CMSS1: variants seen among roughly 807,000 people sequenced by gnomAD.
CMSS1 encodes the protein protein CMSS1.
CMSS1 carries 33 observed loss-of-function variants against 43.5 expected under a neutral mutation model. That is an observed-to-expected ratio of 0.76 (90% CI 0.57 to 1.01). The LOEUF (loss-of-function observed/expected upper bound fraction) is 1.01. CMSS1 is among the 50% of genes least tolerant of loss of function. CMSS1 has a pLI of 0.00. For missense variants in CMSS1, 313 were observed against 326.4 expected (o/e 0.96, Z 0.32); for synonymous variants, 115 against 117.2 (o/e 0.98, Z 0.12).
In CMSS1 at chr3:100,123,814, C is replaced by A. The variant is rs185759848; in HGVS notation, c.65-23159C>A. Among the ~76,000 whole-genome samples the A allele has an allele frequency of 5.9e-5, 9 of 152,312 alleles. No homozygotes were observed. In the East Asian group the frequency reaches 1.7e-3, roughly 29 times the overall value. On this transcript the variant is annotated intron_variant, in intron 1 of 9. Coordinates refer to ENST00000421999, the MANE Select transcript of CMSS1 (RefSeq NM_032359.4). ...CCGGCCCTAACGCTTTGTACAATGT[C>A]CTAGATCTGCTATCATTTTCACTTT...
intron 1 of CMSS1, among the ~76,000 whole-genome samples, chr3:100,039,100 A>T (rs1365959999): frequency 6.6e-6 from 1 of 152,242 alleles, no homozygotes; most frequent in East Asian, 1.9e-4. Context: ...ATAGGAAATT[A>T]TGCTTTCACC....
chr3:100,042,007 C>T (rs1190468934), intron 1 of CMSS1, among the ~76,000 whole-genome samples: 1 of 152,118 alleles, frequency 6.6e-6, no homozygotes, highest in Non-Finnish European at 1.5e-5. Context: ...ATCTGAGTCC[C>T]TTTTTATTTC....
At chr3:99,989,752 A>G (rs1404382299) in intron 1 of CMSS1, among the ~76,000 whole-genome samples, 1 of 151,686 alleles carries the variant, frequency 6.6e-6, no homozygotes. Flanking sequence ...TAGTATGCTA[A>G]TATGTTATCA....
chr3:100,060,496 A>G (rs1228166977), intron 1 of CMSS1, among the ~76,000 whole-genome samples: 2 of 152,050 alleles, frequency 1.3e-5, no homozygotes, highest in Admixed American at 6.6e-5. Flanking sequence ...ATCTTCACCC[A>G]AGAAAAAAAA....
chr3:100,176,359 G>GT lies in CMSS1; in HGVS notation c.705dup (p.Asp236Ter). On this transcript the variant is annotated frameshift_variant, in exon 9 of 10. Transcript: ENST00000421999. LOFTEE classifies it high-confidence loss of function. ...TAATTTGAGCCCCTTAAAATTTCTG[G>GT]TTTTTGACTGGAACTGGAGAGATCA... 1 of 1,613,600 alleles carries GT rather than the reference G, an allele frequency of 6.2e-7. No homozygotes were observed. The highest frequency in any genetic ancestry group is 8.5e-7 in the Non-Finnish European group (1 of 1,179,678).
At chr3:100,088,428 C>G (rs561198901) in intron 1 of CMSS1, among the ~76,000 whole-genome samples, 9 of 152,190 alleles carry the variant, frequency 5.9e-5, no homozygotes, top group Non-Finnish European at 1.3e-4. Context: ...GAAGATATAG[C>G]TAATATATGG....
chr3:99,886,299 GGGAATGAGT>G (rs1354726747), intron 1 of CMSS1, among the ~76,000 whole-genome samples: 1 of 95,950 alleles, frequency 1.0e-5, no homozygotes, highest in Non-Finnish European at 2.2e-5. Context: ...CTGGTGAGAG[GGGAATGAGT>G]GTAAAGCAGG....
chr3:100,145,104 A>G (rs1350856695), intron 1 of CMSS1, among the ~76,000 whole-genome samples: 1 of 151,878 alleles, frequency 6.6e-6, no homozygotes, highest in Non-Finnish European at 1.5e-5. Context: ...ATTTTTCACT[A>G]CCCTTTTGGG....
Position 100,026,956 on chromosome 3 carries a change from A to T in CMSS1, c.65-120017A>T, listed in dbSNP as rs1282569777. ...TCTCCGACCTCATCTCTGCAGCTACATTGGCCTCCTGTCTGTTCCTCACAT... is the reference window on the plus strand; with the variant it reads ...TCTCCGACCTCATCTCTGCAGCTACTTTGGCCTCCTGTCTGTTCCTCACAT... On this transcript the variant is annotated intron_variant, in intron 1 of 9. Transcript: ENST00000421999. Among the ~76,000 whole-genome samples, 8 of 152,168 alleles carry T rather than the reference A, an allele frequency of 5.3e-5. No homozygotes were observed. The East Asian group carries it at 1.5e-3, about 29-fold the overall frequency.
At chr3:100,104,678 A>C (rs548579751) in intron 1 of CMSS1, among the ~76,000 whole-genome samples, 5 of 152,260 alleles carry the variant, frequency 3.3e-5, no homozygotes, top group Admixed American at 6.5e-5. Flanking sequence ...GAGTAGTAGC[A>C]GTGAATTTGA....
chr3:100,013,154 G>C (rs890732982), intron 1 of CMSS1, among the ~76,000 whole-genome samples: 1 of 152,014 alleles, frequency 6.6e-6, no homozygotes, highest in African/African-American at 2.4e-5. Context: ...TGGGATTGTT[G>C]GCATGAGCTA....
intron 2 of CMSS1, among the ~76,000 whole-genome samples, chr3:100,156,678 C>T (rs568297102): frequency 6.6e-6 from 1 of 151,892 alleles, no homozygotes; most frequent in Admixed American, 6.6e-5. Flanking sequence ...TGCAGTGGCA[C>T]GATCTTGGCT....
At chr3:100,125,004 T>C (rs1576088470) in intron 1 of CMSS1, among the ~76,000 whole-genome samples, 1 of 152,174 alleles carries the variant, frequency 6.6e-6, no homozygotes, top group Non-Finnish European at 1.5e-5. Context: ...CTCTGTATTT[T>C]AGAGCTGCCC....
intron 1 of CMSS1, among the ~76,000 whole-genome samples, chr3:100,019,951 A>G (rs1339666045): frequency 6.6e-6 from 1 of 152,160 alleles, no homozygotes; most frequent in African/African-American, 2.4e-5. Flanking sequence ...AATGTGGCAC[A>G]AGGAAACTGG....
At chr3:99,936,711 C>T (rs1375977450) in intron 1 of CMSS1, among the ~76,000 whole-genome samples, 1 of 150,752 alleles carries the variant, frequency 6.6e-6, no homozygotes, top group Non-Finnish European at 1.5e-5. Flanking sequence ...AAAGGTCACA[C>T]TGCTAAAAAG....
intron 1 of CMSS1, among the ~76,000 whole-genome samples, chr3:100,046,120 T>C (rs1054558234): frequency 2.0e-5 from 3 of 152,202 alleles, no homozygotes; most frequent in South Asian, 2.1e-4. Context: ...CCCCAAGGCT[T>C]CACAGCTAAA....
At chr3:100,041,615 A>T (rs1333183586) in intron 1 of CMSS1, among the ~76,000 whole-genome samples, 2 of 152,226 alleles carry the variant, frequency 1.3e-5, no homozygotes, top group Admixed American at 6.5e-5. Context: ...AAATTACAGG[A>T]AAGATGATTC....
At chr3:99,927,400 G>A (rs1480857482) in intron 1 of CMSS1, among the ~76,000 whole-genome samples, 2 of 147,198 alleles carry the variant, frequency 1.4e-5, no homozygotes, top group Admixed American at 6.8e-5. Context: ...ACGGAGTTTC[G>A]CTTTTGTTGT....
At chr3:99,962,613 T>C (rs921222962) in intron 1 of CMSS1, among the ~76,000 whole-genome samples, 8 of 152,156 alleles carry the variant, frequency 5.3e-5, no homozygotes, top group African/African-American at 1.9e-4. Context: ...ATACACAGGA[T>C]TATAATTAAT....
Sources: gnomAD v4.1 joint callset for allele counts (sites outside exome capture counted in the v4.1 genomes callset) on GRCh38, gnomAD v4.1.1 for gene constraint, MANE v1.5 for transcripts, NCBI Gene and HGNC (gene_info 2026-07-23, HGNC 2026-07-21) for gene names.